Variants in TNFAIP8 observed in about 807,000 individuals in gnomAD.
TNFAIP8 encodes TNF alpha induced protein 8.
Under a neutral mutation model 13.3 loss-of-function variants are expected in TNFAIP8, and 7 were observed. The observed-to-expected ratio is 0.52, with a 90% CI of 0.30 to 0.99. The LOEUF is 0.99. TNFAIP8 is among the 50% of genes least tolerant of loss of function. The pLI is 0.07. For synonymous variants in TNFAIP8, 94 were observed against 87.6 expected, an observed-to-expected ratio of 1.07 and a Z score of -0.41; for missense variants, 258 against 236.9, an observed-to-expected ratio of 1.09 and a Z score of -0.58.
At chr5:119,362,537 T>C (rs1176175749) in intron 1 of TNFAIP8, among the ~76,000 whole-genome samples, 1 of 152,178 alleles carries the variant, frequency 6.6e-6, no homozygotes, top group Non-Finnish European at 1.5e-5. Context: ...GGCTCACACC[T>C]GTAATTACAG....
At chr5:119,355,226 C>T (rs113429953), upstream of TNFAIP8, 34 of 690,272 alleles carry the variant, frequency 4.9e-5, 1 homozygote, top group African/African-American at 3.5e-4. Context: ...TGAAGGAATT[C>T]ATCCCCAGTT....
At chr5:119,300,905 T>C (rs990266960) in intron 1 of TNFAIP8, among the ~76,000 whole-genome samples, 2 of 152,202 alleles carry the variant, frequency 1.3e-5, no homozygotes, top group African/African-American at 4.8e-5. Flanking sequence ...GAGGGAAGAA[T>C]TGCAGGTGCA....
At chr5:119,361,170 C>T (rs1453658102) in intron 1 of TNFAIP8, among the ~76,000 whole-genome samples, 1 of 152,230 alleles carries the variant, frequency 6.6e-6, no homozygotes, top group Non-Finnish European at 1.5e-5. Flanking sequence ...TTGCAGCAGG[C>T]CCGGTGCACT....
intron 1 of TNFAIP8, among the ~76,000 whole-genome samples, chr5:119,369,977 G>C (rs918835065): frequency 6.6e-6 from 1 of 152,182 alleles, no homozygotes; most frequent in Non-Finnish European, 1.5e-5. Context: ...GAAATGAATT[G>C]TCTTTCAAAT....
chr5:119,347,234 A>G (rs1374202876), intron 1 of TNFAIP8, among the ~76,000 whole-genome samples: 1 of 152,226 alleles, frequency 6.6e-6, no homozygotes, highest in Non-Finnish European at 1.5e-5. Flanking sequence ...AGGGAACAGC[A>G]AATTCCCAGC....
intron 1 of TNFAIP8, among the ~76,000 whole-genome samples, chr5:119,329,854 C>G (rs1435115926): frequency 6.6e-6 from 1 of 151,670 alleles, no homozygotes; most frequent in African/African-American, 2.4e-5. Context: ...TGGGGAAATC[C>G]TGTGCTGTGC....
chr5:119,353,427 A>G (rs1448708458), upstream of TNFAIP8, among the ~76,000 whole-genome samples: 1 of 152,250 alleles, frequency 6.6e-6, no homozygotes, highest in East Asian at 1.9e-4. Flanking sequence ...TGCCCAGAGC[A>G]GATGGCTTTG....
intron 1 of TNFAIP8, among the ~76,000 whole-genome samples, chr5:119,275,883 T>C (rs1180230247): frequency 6.6e-6 from 1 of 152,106 alleles, no homozygotes; most frequent in East Asian, 1.9e-4. Flanking sequence ...AACTGACTAA[T>C]TCAGGTCTGG....
chr5:119,365,378 C>T (rs6897359), intron 1 of TNFAIP8, among the ~76,000 whole-genome samples: 56,495 of 152,050 alleles, frequency 0.37, 12,423 homozygotes, highest in African/African-American at 0.62. Flanking sequence ...ATTTTAGATT[C>T]CCTCTGAGAT....
At chr5:119,321,370 A>T (rs185426361) in intron 1 of TNFAIP8, among the ~76,000 whole-genome samples, 12 of 151,512 alleles carry the variant, frequency 7.9e-5, no homozygotes, top group Non-Finnish European at 1.5e-4. Context: ...AAGATTGAGA[A>T]TCTGGATGAT....
intron 1 of TNFAIP8, among the ~76,000 whole-genome samples, chr5:119,365,625 C>G (rs1483639758): frequency 6.6e-6 from 1 of 152,176 alleles, no homozygotes; most frequent in African/African-American, 2.4e-5. Flanking sequence ...TTGGCTTGCT[C>G]CAATAAACTT....
intron 1 of TNFAIP8, among the ~76,000 whole-genome samples, chr5:119,301,477 C>G (rs1303360820): frequency 6.6e-6 from 1 of 152,200 alleles, no homozygotes; most frequent in Non-Finnish European, 1.5e-5. Flanking sequence ...GCTTCTTTCC[C>G]TGGGTTTTCA....
intron 1 of TNFAIP8, among the ~76,000 whole-genome samples, chr5:119,309,505 G>A (rs35956442): frequency 6.6e-6 from 1 of 151,984 alleles, no homozygotes; most frequent in Admixed American, 6.6e-5. Context: ...TCTCCAAAAG[G>A]GATTCCCTTT....
At chr5:119,273,722 T>C (rs1748359539) in intron 1 of TNFAIP8, among the ~76,000 whole-genome samples, 1 of 152,174 alleles carries the variant, frequency 6.6e-6, no homozygotes, top group Non-Finnish European at 1.5e-5. Flanking sequence ...GCCCTTGGTG[T>C]TGCAAAGGGA....
chr5:119,333,502 G>T (rs1562004811), intron 1 of TNFAIP8: 17 of 1,494,974 alleles, frequency 1.1e-5, no homozygotes, highest in Non-Finnish European at 1.5e-5. Context: ...GTCTCCCCGA[G>T]GGTGATGCAG....
intron 1 of TNFAIP8, among the ~76,000 whole-genome samples, chr5:119,314,765 T>C (rs1321893151): frequency 6.6e-6 from 1 of 152,218 alleles, no homozygotes; most frequent in Non-Finnish European, 1.5e-5. Flanking sequence ...CTCAATTACT[T>C]TATCTATAAA....
intron 1 of TNFAIP8, among the ~76,000 whole-genome samples, chr5:119,276,493 G>C (rs1053495515): frequency 6.6e-6 from 1 of 152,136 alleles, no homozygotes; most frequent in Admixed American, 6.6e-5. Context: ...TTTAAGGGCT[G>C]CCATAACAAA....
chr5:119,309,298 GAC>G (rs1335731920), intron 1 of TNFAIP8, among the ~76,000 whole-genome samples: 3 of 152,192 alleles, frequency 2.0e-5, no homozygotes, highest in Non-Finnish European at 4.4e-5. Context: ...ACCTTTGGAA[GAC>G]ACTTACCATA....
rs73248908 is a variant in TNFAIP8 at position 119,280,764 on chromosome 5, T to C, written c.1+11857T>C. Among the ~76,000 whole-genome samples the C allele has an allele frequency of 6.6e-3, 1,000 of 152,326 alleles. 6 individuals carry two copies. The highest frequency in any genetic ancestry group is 0.023 in the African/African-American group (952 of 41,562). On this transcript the variant is annotated intron_variant, in intron 1 of 1. Transcript: ENST00000274456. Reference sequence around the variant, plus strand: ...ATTAGCTGGAATAATTTTATAAGGATAGACGCCTTTTCAATCTGTTATTTG... The same window carrying C: ...ATTAGCTGGAATAATTTTATAAGGACAGACGCCTTTTCAATCTGTTATTTG...
Sources: gnomAD v4.1 joint callset for allele counts (sites outside exome capture counted in the v4.1 genomes callset) on GRCh38, gnomAD v4.1.1 for gene constraint, MANE v1.5 for transcripts, NCBI Gene and HGNC (gene_info 2026-07-23, HGNC 2026-07-21) for gene names.